Variants in C8orf34 observed in about 807,000 individuals in gnomAD.
C8orf34 encodes chromosome 8 open reading frame 34, also known as uncharacterized protein C8orf34.
C8orf34 carries 65 observed loss-of-function variants against 68.3 expected under a neutral mutation model. That is an observed-to-expected ratio of 0.95 (90% confidence interval 0.78 to 1.17). C8orf34 has a LOEUF of 1.17. Among genes scored for constraint, C8orf34 ranks in the 50% most tolerant of loss-of-function variants. C8orf34 has a pLI of 0.00. For missense variants in C8orf34, 664 were observed against 655.4 expected, an observed-to-expected ratio of 1.01 and a Z score of -0.14; for synonymous variants, 244 against 241.2, an observed-to-expected ratio of 1.01 and a Z score of -0.11.
chr8:68,768,191 T>C (rs186700157), intron 10 of C8orf34, among the ~76,000 whole-genome samples: 107 of 152,312 alleles, frequency 7.0e-4, no homozygotes, highest in Non-Finnish European at 1.1e-3. Flanking sequence ...TTCAAGTTTG[T>C]TTATGAGTCA....
At chr8:68,574,856 G>A (rs980915743) in intron 7 of C8orf34, among the ~76,000 whole-genome samples, 3 of 151,926 alleles carry the variant, frequency 2.0e-5, no homozygotes, top group Non-Finnish European at 4.4e-5. Flanking sequence ...TTCTGTGCTT[G>A]CTAGGGCTTT....
At chr8:68,416,001 C>A (rs1160669684) in intron 1 of C8orf34, among the ~76,000 whole-genome samples, 1 of 152,114 alleles carries the variant, frequency 6.6e-6, no homozygotes, top group South Asian at 2.1e-4. Context: ...GAAAAGAATA[C>A]CTGCTTCACA....
intron 3 of C8orf34, among the ~76,000 whole-genome samples, chr8:68,465,478 A>G (rs796710288): frequency 0.029 from 4,398 of 151,382 alleles, 94 homozygotes; most frequent in Middle Eastern, 0.11. Flanking sequence ...TATAAATCAT[A>G]CTGCTATAAA....
At chr8:68,442,755 A>G (rs1181366373) in intron 2 of C8orf34, among the ~76,000 whole-genome samples, 1 of 152,178 alleles carries the variant, frequency 6.6e-6, no homozygotes, top group African/African-American at 2.4e-5. Context: ...TATCAGGGAA[A>G]CGAAGCTCTT....
chr8:68,534,544 G>T, intron 7 of C8orf34: 5 of 833,330 alleles, frequency 6.0e-6, no homozygotes, highest in Non-Finnish European at 7.2e-6. Flanking sequence ...AACACCTAAA[G>T]CAGAGGTAAG....
At position 68,331,114 on chromosome 8, in the gene C8orf34, C is replaced by G; in HGVS notation, c.102C>G (p.Thr34=). Residue 34 remains threonine, a synonymous_variant, in exon 1 of 14, where the codon ACC becomes ACG. Transcript: ENST00000518698. ...CGCGCGTGGCTCCCCGGGCTGCCACCCACGCCCGCGGCCGGGGCCGAGCCA... is the reference window on the plus strand; with the variant it reads ...CGCGCGTGGCTCCCCGGGCTGCCACGCACGCCCGCGGCCGGGGCCGAGCCA... The part of the protein sequence containing the change: ...PHARVAPRAA[T]HARGRGRASH... The G allele has an allele frequency of 2.7e-6, 4 of 1,507,992 alleles. No individual in the cohort carries two copies. Among genetic ancestry groups the G allele is most frequent in the Non-Finnish European group, 3.5e-6 (4 of 1,135,028 alleles). The allele number at this position is 1,507,992 out of a possible 1,614,324, so 93.4% of individuals were successfully genotyped here.
At chr8:68,408,254 T>G (rs1809286582) in intron 1 of C8orf34, among the ~76,000 whole-genome samples, 1 of 151,834 alleles carries the variant, frequency 6.6e-6, no homozygotes, top group Admixed American at 6.6e-5. Context: ...CACCCCCAGA[T>G]GGGACCATCT....
chr8:68,431,343 CT>C (rs1382135201), intron 1 of C8orf34, among the ~76,000 whole-genome samples: 1 of 152,048 alleles, frequency 6.6e-6, no homozygotes, highest in African/African-American at 2.4e-5. Flanking sequence ...AAGACATTTT[CT>C]TTTTTATGGG....
intron 1 of C8orf34, among the ~76,000 whole-genome samples, chr8:68,364,879 A>G (rs1235922036): frequency 6.6e-6 from 1 of 152,204 alleles, no homozygotes; most frequent in Non-Finnish European, 1.5e-5. Context: ...GGCAGAAGGC[A>G]AGAAATAACT....
intron 7 of C8orf34, among the ~76,000 whole-genome samples, chr8:68,601,590 T>G (rs1217895568): frequency 6.6e-6 from 1 of 152,180 alleles, no homozygotes; most frequent in African/African-American, 2.4e-5. Context: ...CTCTTTTGAC[T>G]ACTATTTCTC....
intron 1 of C8orf34, among the ~76,000 whole-genome samples, chr8:68,385,384 C>T (rs1808218127): frequency 6.6e-6 from 1 of 152,142 alleles, no homozygotes; most frequent in Non-Finnish European, 1.5e-5. Flanking sequence ...TGTGCCTAAA[C>T]ACTGGAAACA....
At chr8:68,575,205 T>C (rs978153206) in intron 7 of C8orf34, among the ~76,000 whole-genome samples, 10 of 152,148 alleles carry the variant, frequency 6.6e-5, no homozygotes, top group African/African-American at 2.4e-4. Flanking sequence ...ATATACCTTG[T>C]ACTTAGCTAA....
At chr8:68,450,701 A>C (rs922848169) in intron 3 of C8orf34, among the ~76,000 whole-genome samples, 5 of 152,146 alleles carry the variant, frequency 3.3e-5, no homozygotes, top group Non-Finnish European at 7.4e-5. Context: ...GATCGGGCTT[A>C]AAATGATCAG....
At chr8:68,555,877 C>T (rs894205178) in intron 7 of C8orf34, among the ~76,000 whole-genome samples, 41 of 151,982 alleles carry the variant, frequency 2.7e-4, no homozygotes, top group African/African-American at 9.9e-4. Context: ...CATCAATTTC[C>T]AGATTTACAC....
chr8:68,333,326 G>A (rs1301986468), intron 1 of C8orf34, among the ~76,000 whole-genome samples: 4 of 152,092 alleles, frequency 2.6e-5, no homozygotes, highest in Non-Finnish European at 5.9e-5. Context: ...ACCATGCTTC[G>A]TATTTTATTG....
chr8:68,590,699 T>C (rs939982112), intron 7 of C8orf34, among the ~76,000 whole-genome samples: 1 of 152,186 alleles, frequency 6.6e-6, no homozygotes, highest in African/African-American at 2.4e-5. Context: ...ATCTAATCAG[T>C]ATGAAGCTTG....
intron 10 of C8orf34, 55 bp downstream of exon 10, chr8:68,721,492 T>G: frequency 1.8e-6 from 2 of 1,120,868 alleles, no homozygotes; most frequent in East Asian, 5.0e-5. Context: ...TTTAAATTAC[T>G]AGTAGGTAAA....
chr8:68,674,816 C>T (rs1190814017), intron 8 of C8orf34, among the ~76,000 whole-genome samples: 1 of 151,908 alleles, frequency 6.6e-6, no homozygotes. Flanking sequence ...GTAGGTTTAA[C>T]CCAAAGTAAA....
In C8orf34 at chr8:68,535,089, A is replaced by T. The variant is rs1314067482; in HGVS notation, c.1105+1940A>T. On this transcript the variant is annotated intron_variant, in intron 7 of 13. Transcript: ENST00000518698. ...TCCTCTTATAGCTTGGAATGTTACA[A>T]GTCCACTGGACTTTATCTTAAAATA... 5.1e-6 allele frequency: 5 copies of T among 985,156 alleles called. No homozygotes were observed. The South Asian group carries it at 1.9e-4, about 37-fold the overall frequency. 61.0% of individuals were successfully genotyped at this position (985,156 alleles called of 1,614,324 possible).
Sources: allele counts gnomAD v4.1 joint callset (sites outside exome capture counted in the v4.1 genomes callset), GRCh38; gene constraint gnomAD v4.1.1; transcripts MANE v1.5; gene names NCBI Gene and HGNC (gene_info 2026-07-23, HGNC 2026-07-21).